TMEFF2: variants seen among roughly 807,000 people sequenced by gnomAD.
The protein encoded by TMEFF2 is tomoregulin-2.
In TMEFF2, 28 loss-of-function variants were observed where a neutral mutation model predicts 53.8. The observed-to-expected ratio is 0.52, with a 90% confidence interval of 0.39 to 0.71. TMEFF2 has a LOEUF of 0.71. Among genes scored for constraint, TMEFF2 ranks in the 30% least tolerant of loss-of-function variants. The probability of loss-of-function intolerance (pLI) is 0.00; values close to 1 mark genes in which losing one functional copy is unlikely to be tolerated. For missense variants in TMEFF2, 353 were observed against 455.2 expected, an observed-to-expected ratio of 0.78 and a Z score of 2.04; for synonymous variants, 162 against 166.3, an observed-to-expected ratio of 0.97 and a Z score of 0.20.
rs539006917 is a variant in TMEFF2, at chr2:191,972,607, A to G, written c.746-16229T>C. On this transcript the variant is annotated intron_variant, in intron 7 of 9. Coordinates refer to ENST00000272771, the MANE Select transcript of TMEFF2 (RefSeq NM_016192.4). ...TGGTGTGGGAGAAAGACAATGTCCC[A>G]GTCTTCAACTTGGGTAGTAGCAATG... Among the ~76,000 whole-genome samples the G allele has an allele frequency of 3.9e-5, 6 of 152,200 alleles. No homozygotes were observed. In the South Asian group the frequency reaches 1.2e-3, roughly 32 times the overall value.
chr2:192,154,799 C>G (rs1452849778), intron 4 of TMEFF2, among the ~76,000 whole-genome samples: 2 of 151,898 alleles, frequency 1.3e-5, no homozygotes, highest in African/African-American at 4.8e-5. Context: ...ATTGCAACCA[C>G]CATCTTCATG....
chr2:192,035,979 T>C (rs535316765), intron 5 of TMEFF2, among the ~76,000 whole-genome samples: 2 of 152,288 alleles, frequency 1.3e-5, no homozygotes, highest in East Asian at 1.9e-4. Flanking sequence ...TACCAAACTC[T>C]CCCCCATGAA....
At chr2:192,028,792 A>G (rs961024950) in intron 5 of TMEFF2, 13 of 152,182 alleles carry the variant, frequency 8.5e-5, no homozygotes, top group African/African-American at 2.9e-4. Flanking sequence ...TGGTGATTCT[A>G]TATAAAAATT....
intron 5 of TMEFF2, among the ~76,000 whole-genome samples, chr2:192,038,375 T>A (rs1687383245): frequency 1.3e-5 from 2 of 152,198 alleles, no homozygotes; most frequent in South Asian, 4.1e-4. Flanking sequence ...GTTCAATGAG[T>A]TAAGGAATGC....
At chr2:192,075,891 A>C (rs929714462) in intron 4 of TMEFF2, among the ~76,000 whole-genome samples, 8 of 152,012 alleles carry the variant, frequency 5.3e-5, no homozygotes, top group African/African-American at 1.9e-4. Flanking sequence ...TGTATTCTGT[A>C]CTTGAGGAAG....
intron 4 of TMEFF2, among the ~76,000 whole-genome samples, chr2:192,112,605 G>A (rs992749256): frequency 3.9e-5 from 6 of 152,132 alleles, no homozygotes; most frequent in African/African-American, 1.4e-4. Context: ...AAGACTTTAG[G>A]GAACTGTTAG....
intron 4 of TMEFF2, among the ~76,000 whole-genome samples, chr2:192,168,342 C>A (rs542905550): frequency 4.6e-5 from 7 of 152,060 alleles, no homozygotes; most frequent in East Asian, 1.9e-4. Context: ...ACCCACCCCC[C>A]ACAACTGGTT....
intron 4 of TMEFF2, among the ~76,000 whole-genome samples, chr2:192,153,855 C>T (rs1020849136): frequency 8.6e-5 from 13 of 151,910 alleles, no homozygotes; most frequent in South Asian, 2.1e-4. Flanking sequence ...TACTTGGGAA[C>T]GCACCAGAAT....
At chr2:192,116,995 G>A (rs1272413797) in intron 4 of TMEFF2, among the ~76,000 whole-genome samples, 2 of 151,926 alleles carry the variant, frequency 1.3e-5, no homozygotes, top group Admixed American at 6.6e-5. Context: ...TATTTTCATT[G>A]TTATCTAACA....
chr2:192,126,003 T>C (rs978370126), intron 4 of TMEFF2, among the ~76,000 whole-genome samples: 1 of 152,176 alleles, frequency 6.6e-6, no homozygotes, highest in Non-Finnish European at 1.5e-5. Context: ...CCGCACATCC[T>C]GCACATGTAC....
At chr2:192,184,667 C>T (rs1203183698) in intron 2 of TMEFF2, among the ~76,000 whole-genome samples, 184 bp from the exon 3 acceptor site, 1 of 152,048 alleles carries the variant, frequency 6.6e-6, no homozygotes, top group Non-Finnish European at 1.5e-5. Context: ...TCAAGTTAGC[C>T]AACCAGTCAT....
chr2:192,118,873 T>C (rs1408442395), intron 4 of TMEFF2, among the ~76,000 whole-genome samples: 1 of 152,150 alleles, frequency 6.6e-6, no homozygotes, highest in Non-Finnish European at 1.5e-5. Context: ...CATACATATT[T>C]TAAATATATA....
intron 4 of TMEFF2, among the ~76,000 whole-genome samples, chr2:192,087,131 G>GA (rs1337438812): frequency 6.6e-6 from 1 of 151,530 alleles, no homozygotes; most frequent in Non-Finnish European, 1.5e-5. Flanking sequence ...GGAGCTCCAG[G>GA]AAAAAAATCC....
chr2:192,120,924 C>T (rs575149448), intron 4 of TMEFF2, among the ~76,000 whole-genome samples: 17 of 151,858 alleles, frequency 1.1e-4, no homozygotes, highest in African/African-American at 2.7e-4. Flanking sequence ...TTAGTAGAGA[C>T]GGGGTTTCAC....
Position 192,166,075 on chromosome 2 carries a change from G to A in TMEFF2, c.439+13593C>T, listed in dbSNP as rs373795048. On this transcript the variant is annotated intron_variant, in intron 4 of 9. Transcript: ENST00000272771. ...AAGGCACCTGTTTCTAGTTCGTGAC[G>A]CAGTGGGAGTATAGGTGTGTTGAGC... Among the ~76,000 whole-genome samples, 10 of 152,148 alleles carry A rather than the reference G, an allele frequency of 6.6e-5. No homozygotes were observed. In the East Asian group the frequency reaches 9.6e-4, roughly 15 times the overall value.
chr2:192,049,358 G>A (rs1457469756), intron 5 of TMEFF2, among the ~76,000 whole-genome samples: 1 of 152,136 alleles, frequency 6.6e-6, no homozygotes, highest in Non-Finnish European at 1.5e-5. Context: ...AGAATTACTA[G>A]TGTATTACAT....
chr2:191,972,330 T>A (rs1342284066), intron 7 of TMEFF2, among the ~76,000 whole-genome samples: 2 of 141,156 alleles, frequency 1.4e-5, no homozygotes, highest in Non-Finnish European at 3.1e-5. Flanking sequence ...TTTTTTTTTT[T>A]TTTTTGTATT....
chr2:191,956,121 G>T, intron 8 of TMEFF2, 134 bp downstream of exon 8: 1 of 880,736 alleles, frequency 1.1e-6, no homozygotes, highest in Non-Finnish European at 1.7e-6. Flanking sequence ...TGCATGCACA[G>T]GAGGAGCAGA....
chr2:192,028,259 A>T (rs1574302314), intron 5 of TMEFF2, among the ~76,000 whole-genome samples: 1 of 151,948 alleles, frequency 6.6e-6, no homozygotes, highest in South Asian at 2.1e-4. Context: ...AGTCCATTAA[A>T]CCTCTTTCTT....
Sources: gnomAD v4.1 joint callset for allele counts (sites outside exome capture counted in the v4.1 genomes callset) on GRCh38, gnomAD v4.1.1 for gene constraint, MANE v1.5 for transcripts, NCBI Gene and HGNC (gene_info 2026-07-23, HGNC 2026-07-21) for gene names.